MGAM2: variants seen among roughly 807,000 people sequenced by gnomAD.
MGAM2 encodes probable maltase-glucoamylase 2.
MGAM2 carries 98 observed loss-of-function variants against 96.1 expected under a neutral mutation model. The observed-to-expected ratio is 1.02, with a 90% CI of 0.87 to 1.21. MGAM2 has a LOEUF of 1.21. Among genes scored for constraint, MGAM2 ranks in the 50% most tolerant of loss-of-function variants. The pLI is 0.00. For synonymous variants in MGAM2, 749 were observed against 414.8 expected, an observed-to-expected ratio of 1.81 and a Z score of -9.79; for missense variants, 2,055 against 1,182.4, an observed-to-expected ratio of 1.74 and a Z score of -10.82.
Position 142,158,339 on chromosome 7 carries a change from T to C in MGAM2, c.2163+7T>C. 1.4e-6 allele frequency: 1 copy of C among 702,948 alleles called. No homozygotes were observed. Among genetic ancestry groups the C allele is most frequent in the Non-Finnish European group, 2.6e-6 (1 of 384,972 alleles). The allele number at this position is 702,948 out of a possible 1,614,324, so 43.5% of individuals were successfully genotyped here. On this transcript the variant is annotated splice_region_variant and intron_variant, in intron 19 of 47. Coordinates refer to ENST00000477922, the MANE Select transcript of MGAM2 (RefSeq NM_001293626.2). Reference sequence around the variant, plus strand: ...CACGCCTGTTTTATATGAAGTATGTTTATCATCTAAACAATGAAAGGGGGT... The same window carrying C: ...CACGCCTGTTTTATATGAAGTATGTCTATCATCTAAACAATGAAAGGGGGT...
intron 40 of MGAM2, among the ~76,000 whole-genome samples, chr7:142,197,140 G>A (rs1438510371): frequency 6.6e-6 from 1 of 152,168 alleles, no homozygotes; most frequent in Non-Finnish European, 1.5e-5. Flanking sequence ...TGTTGGTGCT[G>A]CACGGAAACC....
At chr7:142,196,962 A>G in intron 40 of MGAM2, 146 bp downstream of exon 40, 1 of 600,822 alleles carries the variant, frequency 1.7e-6, no homozygotes, top group Non-Finnish European at 2.9e-6. Flanking sequence ...CAGAGTTCAG[A>G]ACTCTGGAAT....
rs1306377674 is a variant in MGAM2, at chr7:142,187,814, A to C, written c.4187A>C (p.Asn1396Thr). 1 of 702,794 alleles carries C rather than the reference A, an allele frequency of 1.4e-6. No homozygotes were observed. The highest frequency in any genetic ancestry group is 2.7e-5 in the East Asian group (1 of 37,282). 43.5% of individuals were successfully genotyped at this position (702,794 alleles called of 1,614,324 possible). A position where few individuals can be genotyped will look rare whatever the true frequency, so the allele number is the denominator to read the frequency against. ...AGGGGCTGCAGCAATGAAATGCTAA[A>C]TAACCCACCCTATATGCCATGTATG... is the stretch of plus-strand genomic sequence containing the variant. ...SVRGCSNEML[N>T]NPPYMPYLES... The change falls in exon 36 of 48, where the codon AAT becomes ACT. Residue 1396 changes from asparagine to threonine, a missense_variant. Asn to Thr is a moderately conservative substitution (Grantham distance 65, BLOSUM62 0). Transcript: ENST00000477922.
chr7:142,135,739 C>CACACACACAT (rs1795038708), intron 7 of MGAM2, among the ~76,000 whole-genome samples: 1 of 151,902 alleles, frequency 6.6e-6, no homozygotes, highest in African/African-American at 2.4e-5. Flanking sequence ...CACACACACA[C>CACACACACAT]ACACACACAC....
intron 3 of MGAM2, among the ~76,000 whole-genome samples, chr7:142,126,121 A>G (rs1307069173): frequency 6.6e-6 from 1 of 152,030 alleles, no homozygotes; most frequent in African/African-American, 2.4e-5. Context: ...AGGTTGCTTC[A>G]GTTGAGATTA....
intron 31 of MGAM2, among the ~76,000 whole-genome samples, chr7:142,175,105 C>T (rs1249560363): frequency 6.6e-6 from 1 of 152,108 alleles, no homozygotes; most frequent in Non-Finnish European, 1.5e-5. Flanking sequence ...ACATCCTTGT[C>T]TTGTGCTGGT....
At chr7:142,135,841 T>C (rs1435943564) in intron 7 of MGAM2, among the ~76,000 whole-genome samples, 1 of 152,110 alleles carries the variant, frequency 6.6e-6, no homozygotes, top group East Asian at 1.9e-4. Context: ...TTAAGCTTTT[T>C]TTTAACCACT....
In MGAM2 at chr7:142,202,585, T is replaced by C. The variant is rs142264341; in HGVS notation, c.5137+2617T>C. 5.1e-4 allele frequency among the ~76,000 whole-genome samples: 78 copies of C among 152,328 alleles called. 1 individual carries two copies. In the South Asian group the frequency reaches 0.013, roughly 26 times the overall value. On this transcript the variant is annotated intron_variant, in intron 45 of 47. Transcript: ENST00000477922. ...AATGCATTATTTGGTTTTCTTTTTC[T>C]GTGTTAATTTTCTTAAGATTGTGAC... is the stretch of plus-strand genomic sequence containing the variant.
rs1226392212 is a variant in MGAM2 at position 142,220,764 on chromosome 7, T to C, written c.6253T>C (p.Ser2085Pro). The stretch of plus-strand genomic sequence containing the variant: ...TACTGTTCCTAATACCACTATGCCT[T>C]CTCCTACAAGTAGTACTACTGTGAG... ...SNTVPNTTMP[S>P]PTSSTTVSTI... Residue 2085 changes from serine to proline, a missense_variant, in exon 48 of 48, where the codon TCT becomes CCT. Transcript: ENST00000477922. 1 of 702,154 alleles carries C rather than the reference T, an allele frequency of 1.4e-6. No homozygotes were observed. 43.5% of individuals were successfully genotyped at this position (702,154 alleles called of 1,614,324 possible). A position where few individuals can be genotyped will look rare whatever the true frequency, so the allele number is the denominator to read the frequency against.
At chr7:142,183,156 G>T in intron 32 of MGAM2, 110 bp from the exon 33 acceptor site, 8 of 594,598 alleles carry the variant, frequency 1.3e-5, no homozygotes, top group East Asian at 2.8e-5. Context: ...TTTATTTTTG[G>T]TATTGAGATT....
intron 15 of MGAM2, among the ~76,000 whole-genome samples, chr7:142,149,229 C>CA (rs72418423): frequency 0.1 from 14,885 of 147,616 alleles, 736 homozygotes; most frequent in South Asian, 0.18. Flanking sequence ...AACTCCGTCT[C>CA]AAAAAAAAAA....
intron 15 of MGAM2, among the ~76,000 whole-genome samples, chr7:142,151,008 C>A (rs1795565203): frequency 1.3e-5 from 2 of 152,262 alleles, no homozygotes; most frequent in South Asian, 4.1e-4. Flanking sequence ...CCTGACAGTT[C>A]TAGGAAAAGA....
At chr7:142,134,987 A>G (rs931270747) in intron 7 of MGAM2, among the ~76,000 whole-genome samples, 1 of 152,164 alleles carries the variant, frequency 6.6e-6, no homozygotes, top group African/African-American at 2.4e-5. Context: ...TGGCTGACTG[A>G]TAACAAAGGG....
At chr7:142,167,580 T>C in intron 26 of MGAM2, 94 bp downstream of exon 26, 1 of 662,650 alleles carries the variant, frequency 1.5e-6, no homozygotes, top group East Asian at 2.7e-5. Flanking sequence ...TAAAACATTT[T>C]TTTTCTTTTC....
chr7:142,198,862 C>T, intron 44 of MGAM2, 123 bp downstream of exon 44: 1 of 590,552 alleles, frequency 1.7e-6, no homozygotes, highest in Non-Finnish European at 3.0e-6. Flanking sequence ...AACAGCTTTA[C>T]TGGTCAGATC....
chr7:142,187,511 G>A (rs1796735321), intron 35 of MGAM2, among the ~76,000 whole-genome samples: 1 of 152,188 alleles, frequency 6.6e-6, no homozygotes, highest in African/African-American at 2.4e-5. Context: ...AGGTAAGCAA[G>A]GAGTTTAGCA....
intron 17 of MGAM2, among the ~76,000 whole-genome samples, chr7:142,156,874 T>C (rs10280771): frequency 0.52 from 79,672 of 152,034 alleles, 21,180 homozygotes; most frequent in Admixed American, 0.56. Flanking sequence ...TTCCAAATTA[T>C]ATGGAAAATG....
chr7:142,120,772 A>G lies in MGAM2; in HGVS notation c.186+391A>G, dbSNP rs2129074346. On this transcript the variant is annotated intron_variant, in intron 3 of 47. Coordinates refer to ENST00000477922, the MANE Select transcript of MGAM2 (RefSeq NM_001293626.2). ...ATAGGGAAATCCATAGTGATAGAAA[A>G]TAGATTAGCATTTACCTGAGTCACT... 2.0e-5 allele frequency among the ~76,000 whole-genome samples: 3 copies of G among 152,304 alleles called. 1 individual carries two copies. The South Asian group carries it at 6.2e-4, about 32-fold the overall frequency.
At chr7:142,177,346 C>A (rs1018581722) in intron 32 of MGAM2, among the ~76,000 whole-genome samples, 6 of 152,124 alleles carry the variant, frequency 3.9e-5, no homozygotes, top group Non-Finnish European at 8.8e-5. Context: ...AGACCTGCCC[C>A]CGTGATTCAA....
Sources: gnomAD v4.1 joint callset for allele counts (sites outside exome capture counted in the v4.1 genomes callset) on GRCh38, gnomAD v4.1.1 for gene constraint, MANE v1.5 for transcripts, NCBI Gene and HGNC (gene_info 2026-07-23, HGNC 2026-07-21) for gene names.